Variants in KCNJ6 observed in about 807,000 individuals in gnomAD.
KCNJ6 encodes the protein G protein-activated inward rectifier potassium channel 2.
In KCNJ6, 9 loss-of-function variants were observed where a neutral mutation model predicts 34.2. The observed-to-expected ratio is 0.26, with a 90% CI of 0.16 to 0.46. The LOEUF (loss-of-function observed/expected upper bound fraction) is 0.46, where lower values mean the gene tolerates loss of function less well. KCNJ6 is among the 20% of genes least tolerant of loss of function. The pLI, the probability that KCNJ6 is intolerant of heterozygous loss-of-function variation, is 1.00. For missense variants in KCNJ6, 236 were observed against 531.3 expected, an observed-to-expected ratio of 0.44 and a Z score of 5.46; for synonymous variants, 196 against 207.1, an observed-to-expected ratio of 0.95 and a Z score of 0.46.
At chr21:37,664,150 C>G (rs974198324) in intron 3 of KCNJ6, among the ~76,000 whole-genome samples, 1 of 152,000 alleles carries the variant, frequency 6.6e-6, no homozygotes, top group African/African-American at 2.4e-5. Context: ...GGAATTAGCT[C>G]TTAGAATTGA....
intron 3 of KCNJ6, among the ~76,000 whole-genome samples, chr21:37,640,929 TA>T (rs2123376901): frequency 6.6e-6 from 1 of 152,228 alleles, no homozygotes; most frequent in Admixed American, 6.5e-5. Context: ...CAGGTTCAAA[TA>T]AAACAAAGGA....
chr21:37,624,916 C>G lies in KCNJ6; in HGVS notation c.*243G>C, dbSNP rs879846135. 9.3e-6 allele frequency: 5 copies of G among 537,610 alleles called. No individual in the cohort carries two copies. Among genetic ancestry groups the G allele is most frequent in the Non-Finnish European group, 1.6e-5 (5 of 304,098 alleles). The allele number at this position is 537,610 out of a possible 1,614,324, so 33.3% of individuals were successfully genotyped here. On this transcript the variant is annotated 3_prime_UTR_variant, in exon 4 of 4. Transcript: ENST00000609713. ...GATGTGTAGTATTTTGGGAGGAGAC[C>G]AGGCTTGGGCCACAAATGAGGGCAC...
intron 2 of KCNJ6, among the ~76,000 whole-genome samples, chr21:37,824,127 A>T (rs2123556815): frequency 6.6e-6 from 1 of 152,346 alleles, no homozygotes; most frequent in Non-Finnish European, 1.5e-5. Context: ...ATGCATTTTT[A>T]AAAAGGGAAA....
chr21:37,643,072 A>G (rs2054388395), intron 3 of KCNJ6, among the ~76,000 whole-genome samples: 1 of 151,948 alleles, frequency 6.6e-6, no homozygotes, highest in East Asian at 1.9e-4. Context: ...GGTGGGGGGG[A>G]CAGCTTAACA....
intron 3 of KCNJ6, among the ~76,000 whole-genome samples, chr21:37,673,901 A>C (rs2054552913): frequency 6.6e-6 from 1 of 152,070 alleles, no homozygotes; most frequent in Non-Finnish European, 1.5e-5. Context: ...CTTGGGAGAG[A>C]AGATGGCCAA....
At chr21:37,674,415 C>A (rs73904028) in intron 3 of KCNJ6, among the ~76,000 whole-genome samples, 11,593 of 152,102 alleles carry the variant, frequency 0.076, 1,067 homozygotes, top group African/African-American at 0.21. Context: ...TCGACACCCT[C>A]CAGGGCTCCC....
intron 1 of KCNJ6, among the ~76,000 whole-genome samples, chr21:37,878,332 C>A (rs1304551217): frequency 6.6e-6 from 1 of 151,582 alleles, no homozygotes; most frequent in Non-Finnish European, 1.5e-5. Flanking sequence ...TTATCAATAT[C>A]CTCATATTCA....
rs113214633 is a variant in KCNJ6, at chr21:37,821,749, C to T, written c.25+18909G>A. 2.8e-3 allele frequency among the ~76,000 whole-genome samples: 433 copies of T among 152,266 alleles called. 3 individuals are homozygous for T. The highest frequency in any genetic ancestry group is 9.5e-3 in the African/African-American group (396 of 41,552). ...TATATGGTTATAGGAAGACTTTAGTCTACTGGGTCTGGTTAATCAAATAGT... is the reference window on the plus strand; with the variant it reads ...TATATGGTTATAGGAAGACTTTAGTTTACTGGGTCTGGTTAATCAAATAGT... On this transcript the variant is annotated intron_variant, in intron 2 of 3. Transcript: ENST00000609713.
intron 1 of KCNJ6, among the ~76,000 whole-genome samples, chr21:37,878,293 T>C (rs1177229180): frequency 2.0e-5 from 3 of 152,232 alleles, no homozygotes; most frequent in Non-Finnish European, 2.9e-5. Flanking sequence ...TTACCTTCTT[T>C]AGAGAGGAAC....
intron 2 of KCNJ6, among the ~76,000 whole-genome samples, chr21:37,750,087 T>A (rs1302934602): frequency 6.6e-6 from 1 of 152,028 alleles, no homozygotes; most frequent in Non-Finnish European, 1.5e-5. Flanking sequence ...TAAAGCCACA[T>A]CAAAAGAAGA....
intron 2 of KCNJ6, among the ~76,000 whole-genome samples, chr21:37,804,345 C>A (rs138054915): frequency 2.5e-4 from 38 of 152,308 alleles, no homozygotes; most frequent in African/African-American, 9.1e-4. Flanking sequence ...GCATACCCCC[C>A]AAAATTAAAA....
In KCNJ6 at chr21:37,715,073, G is replaced by C; in HGVS notation, c.84C>G (p.His28Gln). The C allele has an allele frequency of 6.2e-7, 1 of 1,614,210 alleles. No homozygotes were observed. The highest frequency in any genetic ancestry group is 8.5e-7 in the Non-Finnish European group (1 of 1,180,044). ...TGGCCTGCTTAGGCAACTTTGGCTG[G>C]TGAATGGCCACTGGGCTTTCGACGT... ...DQDVESPVAI[H>Q]QPKLPKQARD... Residue 28 changes from histidine to glutamine, a missense_variant, in exon 3 of 4, where the codon CAC becomes CAG. By Grantham distance (24) the His-to-Gln change is conservative. Around this residue, in one of 5 missense-constraint regions of KCNJ6, gnomAD observed 64 missense variants for 68.9 expected, o/e 0.93. Coordinates refer to ENST00000609713, the MANE Select transcript of KCNJ6 (RefSeq NM_002240.5).
At chr21:37,661,809 T>C (rs199791283) in intron 3 of KCNJ6, among the ~76,000 whole-genome samples, 12 of 138,272 alleles carry the variant, frequency 8.7e-5, no homozygotes, top group South Asian at 2.4e-4. Flanking sequence ...TTTTTTTTTT[T>C]AGTACAGACG....
At chr21:37,762,134 G>A (rs2055068511) in intron 2 of KCNJ6, among the ~76,000 whole-genome samples, 2 of 152,170 alleles carry the variant, frequency 1.3e-5, no homozygotes, top group East Asian at 3.8e-4. Flanking sequence ...TGATGCTGGG[G>A]TCTTGACCAG....
intron 1 of KCNJ6, among the ~76,000 whole-genome samples, chr21:37,846,244 G>C (rs1227020578): frequency 6.6e-6 from 1 of 152,134 alleles, no homozygotes; most frequent in Non-Finnish European, 1.5e-5. Context: ...TTTCTACTGA[G>C]TCCATGCCAG....
At chr21:37,727,850 G>T (rs987748217) in intron 2 of KCNJ6, among the ~76,000 whole-genome samples, 6 of 152,142 alleles carry the variant, frequency 3.9e-5, no homozygotes, top group Non-Finnish European at 5.9e-5. Context: ...TGAATTTCAA[G>T]AATGCTCTAT....
At chr21:37,770,030 A>G (rs2055110234) in intron 2 of KCNJ6, among the ~76,000 whole-genome samples, 1 of 152,218 alleles carries the variant, frequency 6.6e-6, no homozygotes, top group Non-Finnish European at 1.5e-5. Context: ...TAAATTGCCC[A>G]GTTTCAGGCA....
rs1015622046 is a variant in KCNJ6 at position 37,790,019 on chromosome 21, C to T, written c.25+50639G>A. On this transcript the variant is annotated intron_variant, in intron 2 of 3. Transcript: ENST00000609713. The stretch of plus-strand genomic sequence containing the variant: ...TCTATGCAGGATGGGGAAGGATCAT[C>T]GCGAACTTCCAATGAGTTTGGGATA... Among the ~76,000 whole-genome samples the T allele has an allele frequency of 1.9e-4, 29 of 152,254 alleles. No individual in the cohort carries two copies. The East Asian group carries it at 3.9e-3, about 20-fold the overall frequency.
At chr21:37,841,651 T>C (rs2055481463) in intron 1 of KCNJ6, among the ~76,000 whole-genome samples, 1 of 152,242 alleles carries the variant, frequency 6.6e-6, no homozygotes, top group African/African-American at 2.4e-5. Context: ...CCTATCTTCA[T>C]AGAGATAAAT....
Sources: gnomAD v4.1 joint callset for allele counts (sites outside exome capture counted in the v4.1 genomes callset) on GRCh38, gnomAD v4.1.1 for gene constraint, gnomAD v4.1.1 regional missense constraint, MANE v1.5 for transcripts, NCBI Gene and HGNC (gene_info 2026-07-23, HGNC 2026-07-21) for gene names.